STK39: variants seen among roughly 807,000 people sequenced by gnomAD.
STK39 encodes serine/threonine kinase 39, also known as STE20/SPS1-related proline-alanine-rich protein kinase.
STK39 carries 20 observed loss-of-function variants against 77.8 expected under a neutral mutation model. The observed-to-expected ratio is 0.26, with a 90% CI of 0.18 to 0.37. The LOEUF (loss-of-function observed/expected upper bound fraction) is 0.37. Ranked by LOEUF, STK39 falls within the 10% of genes least tolerant of loss-of-function variation. STK39 has a pLI of 1.00. For synonymous variants in STK39, 246 were observed against 234.1 expected (o/e 1.05, Z -0.47); for missense variants, 479 against 656.5 (o/e 0.73, Z 2.95).
chr2:167,993,728 A>T (rs1225765015), intron 16 of STK39, among the ~76,000 whole-genome samples: 1 of 152,090 alleles, frequency 6.6e-6, no homozygotes, highest in Admixed American at 6.6e-5. Flanking sequence ...AGCTTAAACC[A>T]CTCTAATTGA....
intron 1 of STK39, among the ~76,000 whole-genome samples, chr2:168,218,104 A>G (rs895762866): frequency 1.1e-4 from 17 of 152,348 alleles, no homozygotes; most frequent in Admixed American, 9.1e-4. Flanking sequence ...AATTACTGGC[A>G]TAACTTTTGC....
chr2:168,069,426 G>T (rs1685882384), intron 12 of STK39, among the ~76,000 whole-genome samples: 1 of 152,234 alleles, frequency 6.6e-6, no homozygotes, highest in Admixed American at 6.5e-5. Context: ...CTAGATTCTT[G>T]ATAACAAAAC....
chr2:168,094,243 G>T (rs964744368), intron 10 of STK39, among the ~76,000 whole-genome samples: 4 of 152,160 alleles, frequency 2.6e-5, no homozygotes, highest in African/African-American at 9.7e-5. Context: ...CTTCTCTTGG[G>T]TTACTTACAG....
intron 1 of STK39, among the ~76,000 whole-genome samples, chr2:168,204,869 C>A (rs530690868): frequency 3.2e-4 from 48 of 152,194 alleles, no homozygotes; most frequent in Admixed American, 2.7e-3. Flanking sequence ...CAACAAAATA[C>A]TCTCCGCAAG....
At chr2:168,052,011 T>C (rs1029077727) in intron 14 of STK39, among the ~76,000 whole-genome samples, 11 of 151,324 alleles carry the variant, frequency 7.3e-5, no homozygotes, top group African/African-American at 1.7e-4. Context: ...TTTTTTTAAC[T>C]AGGAAACCTC....
chr2:168,094,003 C>G (rs183492181), intron 10 of STK39, among the ~76,000 whole-genome samples: 1 of 152,326 alleles, frequency 6.6e-6, no homozygotes, highest in Admixed American at 6.5e-5. Flanking sequence ...CTGAGATGGG[C>G]CTCCTTGCCT....
In STK39 at chr2:168,166,436, G is replaced by C. The variant is rs1262085041; in HGVS notation, c.430+863C>G. 2.6e-5 allele frequency among the ~76,000 whole-genome samples: 4 copies of C among 152,238 alleles called. No individual in the cohort carries two copies. In the East Asian group the frequency reaches 7.7e-4, roughly 29 times the overall value. ...CACTGCAGGGATCTGAAGCTAGAGA[G>C]AGGAAGTGACTTTCCCTTCCCAAAT... On this transcript the variant is annotated intron_variant, in intron 3 of 17. Coordinates refer to ENST00000355999, the MANE Select transcript of STK39 (RefSeq NM_013233.3).
intron 1 of STK39, among the ~76,000 whole-genome samples, chr2:168,206,268 C>T (rs1161347969): frequency 1.3e-5 from 2 of 151,954 alleles, no homozygotes; most frequent in Non-Finnish European, 2.9e-5. Flanking sequence ...AGTGTTGCAG[C>T]AGAAACAAGA....
At chr2:168,159,362 C>A (rs1024398565) in intron 5 of STK39, among the ~76,000 whole-genome samples, 1 of 152,132 alleles carries the variant, frequency 6.6e-6, no homozygotes, top group Non-Finnish European at 1.5e-5. Flanking sequence ...ACATTCCACT[C>A]TTCCCCCCGA....
rs181191396 is a variant in STK39, at chr2:168,133,727, G to A, written c.975-3969C>T. 3.3e-3 allele frequency among the ~76,000 whole-genome samples: 506 copies of A among 152,060 alleles called. 4 individuals carry two copies. The highest frequency in any genetic ancestry group is 0.011 in the African/African-American group (471 of 41,452). On this transcript the variant is annotated intron_variant, in intron 8 of 17. Transcript: ENST00000355999. Reference sequence around the variant, plus strand: ...ACAAAAATTAGCCAGGCGTGATGGCGGGCACCTGTAATCCCAGCTACTCAG... The same window carrying A: ...ACAAAAATTAGCCAGGCGTGATGGCAGGCACCTGTAATCCCAGCTACTCAG...
At chr2:168,105,038 T>G (rs1343107800) in intron 10 of STK39, among the ~76,000 whole-genome samples, 1 of 152,192 alleles carries the variant, frequency 6.6e-6, no homozygotes, top group African/African-American at 2.4e-5. Context: ...AACTGCACAG[T>G]ACATTACCTT....
chr2:167,994,626 C>A (rs1683785189), intron 16 of STK39, among the ~76,000 whole-genome samples: 1 of 152,168 alleles, frequency 6.6e-6, no homozygotes, highest in African/African-American at 2.4e-5. Flanking sequence ...CTCCCAGCAA[C>A]CACAAATCTA....
Position 167,976,413 on chromosome 2 carries a change from T to C in STK39, c.1499-11687A>G, listed in dbSNP as rs114027452. ...CTAACTTTGGAAGACAGTTAGGTTA[T>C]ATTAATAGTTTAAATGATAACAGGC... On this transcript the variant is annotated intron_variant, in intron 16 of 17. Transcript: ENST00000355999. Among the ~76,000 whole-genome samples the C allele has an allele frequency of 9.5e-3, 1,442 of 152,294 alleles. 33 individuals are homozygous for C. The highest frequency in any genetic ancestry group is 0.033 in the African/African-American group (1,373 of 41,542).
chr2:168,223,138 C>A (rs1250710050), intron 1 of STK39, among the ~76,000 whole-genome samples: 1 of 152,160 alleles, frequency 6.6e-6, no homozygotes, highest in Non-Finnish European at 1.5e-5. Context: ...TGCCACTGGG[C>A]TCTGAACCAG....
At chr2:168,186,190 T>C (rs1459186150) in intron 1 of STK39, among the ~76,000 whole-genome samples, 1 of 152,150 alleles carries the variant, frequency 6.6e-6, no homozygotes, top group East Asian at 1.9e-4. Context: ...CTCTCTGTCC[T>C]ATGAGGACAC....
intron 16 of STK39, among the ~76,000 whole-genome samples, chr2:167,970,235 C>T (rs1178035479): frequency 6.6e-6 from 1 of 152,194 alleles, no homozygotes; most frequent in Non-Finnish European, 1.5e-5. Flanking sequence ...TATATTTATA[C>T]ATTATTTCTG....
intron 1 of STK39, among the ~76,000 whole-genome samples, chr2:168,227,248 C>T (rs1690331770): frequency 6.6e-6 from 1 of 152,096 alleles, no homozygotes; most frequent in African/African-American, 2.4e-5. Context: ...CCATACAGGC[C>T]ATCTCTGGGC....
intron 17 of STK39, among the ~76,000 whole-genome samples, chr2:167,958,980 A>G (rs980959883): frequency 6.6e-6 from 1 of 152,166 alleles, no homozygotes; most frequent in African/African-American, 2.4e-5. Flanking sequence ...CCCATCACCA[A>G]TCTCATCAGA....
intron 5 of STK39, among the ~76,000 whole-genome samples, chr2:168,153,928 A>G (rs1223141240): frequency 6.6e-6 from 1 of 152,230 alleles, no homozygotes; most frequent in Admixed American, 6.5e-5. Context: ...GAGGAAAGGC[A>G]TAATACAAGT....
Sources: allele counts gnomAD v4.1 joint callset (sites outside exome capture counted in the v4.1 genomes callset), GRCh38; gene constraint gnomAD v4.1.1; transcripts MANE v1.5; gene names NCBI Gene and HGNC (gene_info 2026-07-23, HGNC 2026-07-21).